Variants in MPZL1 observed in about 807,000 individuals in gnomAD.
MPZL1 encodes the protein myelin protein zero like 1.
Under a neutral mutation model 29.3 loss-of-function variants are expected in MPZL1, and 16 were observed. The observed-to-expected ratio is 0.55, with a 90% CI of 0.37 to 0.83. The LOEUF (loss-of-function observed/expected upper bound fraction) is 0.83, where lower values mean the gene tolerates loss of function less well. MPZL1 is among the 40% of genes least tolerant of loss of function. The pLI, the probability that MPZL1 is intolerant of heterozygous loss-of-function variation, is 0.00. For synonymous variants in MPZL1, 143 were observed against 132.0 expected (o/e 1.08, Z -0.57); for missense variants, 279 against 332.9 (o/e 0.84, Z 1.26).
chr1:167,739,844 C>G (rs1660480188), intron 1 of MPZL1, among the ~76,000 whole-genome samples: 1 of 152,192 alleles, frequency 6.6e-6, no homozygotes, highest in African/African-American at 2.4e-5. Context: ...GAAAATGTAG[C>G]AACTCCACAA....
At chr1:167,733,454 G>A (rs905639795) in intron 1 of MPZL1, among the ~76,000 whole-genome samples, 1 of 152,214 alleles carries the variant, frequency 6.6e-6, no homozygotes, top group Non-Finnish European at 1.5e-5. Flanking sequence ...GGTGAAAGGT[G>A]TGTCCTCTGG....
chr1:167,732,115 A>C (rs1296677780), intron 1 of MPZL1, among the ~76,000 whole-genome samples: 1 of 152,194 alleles, frequency 6.6e-6, no homozygotes, highest in Non-Finnish European at 1.5e-5. Flanking sequence ...CTACTACATA[A>C]TATATAGTAT....
chr1:167,748,822 A>G (rs1660700864), intron 1 of MPZL1, among the ~76,000 whole-genome samples: 1 of 152,120 alleles, frequency 6.6e-6, no homozygotes. Flanking sequence ...TGTACTTTTC[A>G]TTTAATAATA....
rs1317194087 is a variant in MPZL1 at position 167,776,101 on chromosome 1, GCTCC to G, written c.644_647del (p.Ala215ValfsTer12). On this transcript the variant is annotated frameshift_variant, in exon 5 of 6. Coordinates refer to ENST00000359523, the MANE Select transcript of MPZL1 (RefSeq NM_003953.6). LOFTEE classifies it high-confidence loss of function. ...AGAGAGTTTGTCACCAGTTAAGCAG[GCTCC>G]TCGGAAGTCCCCCTCCGACACTGAG... The G allele has an allele frequency of 1.9e-6, 3 of 1,612,102 alleles. No individual in the cohort carries two copies. Among genetic ancestry groups the G allele is most frequent in the Non-Finnish European group, 2.5e-6 (3 of 1,178,924 alleles).
intron 1 of MPZL1, among the ~76,000 whole-genome samples, chr1:167,760,297 G>C (rs1660956011): frequency 6.6e-6 from 1 of 152,138 alleles, no homozygotes; most frequent in Non-Finnish European, 1.5e-5. Context: ...CCGCCTCCCG[G>C]GTTCACGCCA....
At chr1:167,723,889 G>C (rs1660090999) in intron 1 of MPZL1, among the ~76,000 whole-genome samples, 1 of 152,152 alleles carries the variant, frequency 6.6e-6, no homozygotes, top group South Asian at 2.1e-4. Flanking sequence ...ATCTTTTACA[G>C]GATAGCTTCT....
intron 1 of MPZL1, among the ~76,000 whole-genome samples, chr1:167,748,002 A>G (rs1437216622): frequency 1.3e-5 from 2 of 152,178 alleles, no homozygotes; most frequent in African/African-American, 2.4e-5. Context: ...TCTGTCTGGC[A>G]TCTTTCACTT....
intron 1 of MPZL1, among the ~76,000 whole-genome samples, chr1:167,758,959 C>A (rs1660925793): frequency 6.6e-6 from 1 of 152,202 alleles, no homozygotes; most frequent in South Asian, 2.1e-4. Context: ...AGCTCAGAAT[C>A]CAAAGTTGGC....
chr1:167,738,994 G>A (rs1466051154), intron 1 of MPZL1, among the ~76,000 whole-genome samples: 2 of 151,958 alleles, frequency 1.3e-5, no homozygotes, highest in Admixed American at 1.3e-4. Context: ...CCGGGCTGGA[G>A]TACAGTGGCT....
intron 1 of MPZL1, among the ~76,000 whole-genome samples, chr1:167,758,185 A>C (rs900951655): frequency 1.3e-5 from 2 of 152,052 alleles, no homozygotes; most frequent in African/African-American, 4.8e-5. Context: ...AGGTTTTTAC[A>C]AACCAGTATG....
chr1:167,729,104 T>C (rs1391234359), intron 1 of MPZL1, among the ~76,000 whole-genome samples: 1 of 151,446 alleles, frequency 6.6e-6, no homozygotes, highest in Non-Finnish European at 1.5e-5. Context: ...CCATCTTTAC[T>C]GAAAATAAAA....
intron 1 of MPZL1, among the ~76,000 whole-genome samples, chr1:167,728,054 T>TC (rs1418523891): frequency 3.5e-5 from 5 of 141,340 alleles, no homozygotes; most frequent in African/African-American, 1.1e-4. Context: ...TTTTTTTTTT[T>TC]CTGAGGCAGA....
chr1:167,780,755 A>C (rs952335278), intron 5 of MPZL1, among the ~76,000 whole-genome samples: 2 of 152,166 alleles, frequency 1.3e-5, no homozygotes, highest in Non-Finnish European at 2.9e-5. Flanking sequence ...GGAGTTGTTT[A>C]ATTGGTACAG....
intron 1 of MPZL1, among the ~76,000 whole-genome samples, chr1:167,745,034 G>A (rs1660616406): frequency 6.6e-6 from 1 of 152,120 alleles, no homozygotes; most frequent in African/African-American, 2.4e-5. Flanking sequence ...TTTGGGGAGA[G>A]CAGGGCAGGC....
intron 3 of MPZL1, 82 bp from the exon 4 acceptor site, chr1:167,773,154 T>TA: frequency 3.5e-6 from 5 of 1,426,582 alleles, no homozygotes; most frequent in Non-Finnish European, 4.8e-6. Flanking sequence ...TAAATGAAGA[T>TA]ACTTGCTCGT....
intron 1 of MPZL1, among the ~76,000 whole-genome samples, chr1:167,738,952 G>A (rs927190628): frequency 2.0e-5 from 3 of 151,818 alleles, no homozygotes; most frequent in African/African-American, 7.3e-5. Context: ...TTGGTTTTTC[G>A]GAGTTTTTTT....
chr1:167,761,104 G>A (rs944549980), intron 1 of MPZL1, among the ~76,000 whole-genome samples: 24 of 152,144 alleles, frequency 1.6e-4, no homozygotes, highest in East Asian at 1.9e-4. Flanking sequence ...ATGGAGTAAC[G>A]GAGATGAAAG....
chr1:167,763,410 G>A (rs1339116325), intron 1 of MPZL1, among the ~76,000 whole-genome samples: 1 of 151,832 alleles, frequency 6.6e-6, no homozygotes, highest in Non-Finnish European at 1.5e-5. Context: ...CAGCTACTCG[G>A]GAGGCTGAGG....
At chr1:167,765,777 G>T (rs768522360) in intron 2 of MPZL1, 28 bp downstream of exon 2, 6 of 1,552,500 alleles carry the variant, frequency 3.9e-6, no homozygotes, top group South Asian at 2.5e-5. Context: ...CTCTTGGCTA[G>T]TCCTGCCTCA....
Sources: gnomAD v4.1 joint callset for allele counts (sites outside exome capture counted in the v4.1 genomes callset) on GRCh38, gnomAD v4.1.1 for gene constraint, MANE v1.5 for transcripts, NCBI Gene and HGNC (gene_info 2026-07-23, HGNC 2026-07-21) for gene names.